The following DDC variants were observed in gnomAD, a reference collection of about 807,000 sequenced individuals.
The protein encoded by DDC is aromatic-L-amino-acid decarboxylase.
In DDC, 43 loss-of-function variants were observed where a neutral mutation model predicts 60.0. The observed-to-expected ratio is 0.72, with a 90% CI of 0.56 to 0.92. The LOEUF is 0.92. Among genes scored for constraint, DDC ranks in the 40% least tolerant of loss-of-function variants. DDC has a pLI of 0.00. For missense variants in DDC, 573 were observed against 620.2 expected, an observed-to-expected ratio of 0.92 and a Z score of 0.81; for synonymous variants, 232 against 234.6, an observed-to-expected ratio of 0.99 and a Z score of 0.10.
chr7:50,473,349 C>T (rs917040988), intron 11 of DDC, among the ~76,000 whole-genome samples: 40 of 152,308 alleles, frequency 2.6e-4, no homozygotes, highest in Non-Finnish European at 2.5e-4. Context: ...GGTGGCTGCC[C>T]GGGGCTGTCC....
intron 12 of DDC, 43 bp downstream of exon 12, chr7:50,470,030 A>G (rs1233236978): frequency 3.2e-6 from 4 of 1,244,230 alleles, no homozygotes; most frequent in Non-Finnish European, 3.6e-6. Context: ...GTCCCGAAAG[A>G]CCTCCGCAAT....
rs2043192922 is a variant in DDC, at chr7:50,499,196, G to C, written c.828C>G (p.Gly276=). ...GGAACTCAGGGCAGATGAATGCACT[G>C]CCTGCGTAGGCTGCATCAACGTGCA... ...IWLHVDAAYA[G]SAFICPEFRH... is the part of the protein sequence containing the mutation. Residue 276 remains glycine (G), a synonymous_variant, in exon 8 of 15, where the codon GGC becomes GGG. Coordinates refer to ENST00000444124, the MANE Select transcript of DDC (RefSeq NM_001082971.2). 5 of 1,613,942 alleles carry C rather than the reference G, an allele frequency of 3.1e-6. No homozygotes were observed. Among genetic ancestry groups the C allele is most frequent in the Non-Finnish European group, 3.4e-6 (4 of 1,179,980 alleles).
chr7:50,459,914 C>G (rs2042222824), intron 14 of DDC, among the ~76,000 whole-genome samples: 1 of 142,762 alleles, frequency 7.0e-6, no homozygotes, highest in Non-Finnish European at 1.5e-5. Context: ...CCAGCCGCCC[C>G]ATCCAGGAGG....
At chr7:50,525,339 C>G (rs1215235324) in intron 6 of DDC, among the ~76,000 whole-genome samples, 3 of 152,170 alleles carry the variant, frequency 2.0e-5, no homozygotes, top group Non-Finnish European at 4.4e-5. Context: ...GAACCAGTGT[C>G]AGTCTCCTGT....
At chr7:50,507,458 C>T (rs2043431485) in intron 6 of DDC, among the ~76,000 whole-genome samples, 1 of 152,204 alleles carries the variant, frequency 6.6e-6, no homozygotes, top group South Asian at 2.1e-4. Flanking sequence ...TCTCTAACTT[C>T]TGACCTCAGG....
chr7:50,494,663 T>C (rs7785224), intron 9 of DDC, among the ~76,000 whole-genome samples: 97,921 of 151,232 alleles, frequency 0.65, 32,119 homozygotes, highest in Admixed American at 0.73. Context: ...ATTATTTTTC[T>C]TTCGCGAATA....
intron 6 of DDC, among the ~76,000 whole-genome samples, chr7:50,514,086 C>T (rs1453097581): frequency 6.6e-6 from 1 of 152,176 alleles, no homozygotes; most frequent in Non-Finnish European, 1.5e-5. Context: ...CCCTCCCCAA[C>T]TCACCTCCAC....
intron 12 of DDC, among the ~76,000 whole-genome samples, chr7:50,468,831 G>C (rs562584350): frequency 3.7e-4 from 57 of 152,116 alleles, no homozygotes; most frequent in Non-Finnish European, 7.6e-4. Context: ...AAGGACACCA[G>C]GATCAGAGAG....
At chr7:50,549,952 T>C (rs549205233) in intron 1 of DDC, among the ~76,000 whole-genome samples, 2 of 152,358 alleles carry the variant, frequency 1.3e-5, no homozygotes, top group East Asian at 3.9e-4. Context: ...GCTGTGAGTA[T>C]TGTTGAAACA....
rs374661615 is a variant in DDC, at chr7:50,529,256, G to A, written c.522C>T (p.Leu174=). The change falls in exon 5 of 15, where the codon CTC becomes CTT. Residue 174 remains leucine (L), a synonymous_variant. Coordinates refer to ENST00000444124, the MANE Select transcript of DDC (RefSeq NM_001082971.2). ...IHRLQAASPE[L]TQAAIMEKLV... ...GCTTCTCCATGATAGCGGCCTGTGT[G>A]AGCTCTGGGGACGCTGCCTGCAGCC... 2.5e-6 allele frequency: 4 copies of A among 1,613,972 alleles called. No individual in the cohort carries two copies. Among genetic ancestry groups the A allele is most frequent in the Non-Finnish European group, 3.4e-6 (4 of 1,180,058 alleles).
intron 1 of DDC, among the ~76,000 whole-genome samples, chr7:50,555,401 T>C (rs942221435): frequency 6.6e-6 from 1 of 152,156 alleles, no homozygotes; most frequent in East Asian, 1.9e-4. Flanking sequence ...GGGAGGGACC[T>C]GGGACCCAGA....
intron 14 of DDC, among the ~76,000 whole-genome samples, chr7:50,460,794 G>T (rs1481936820): frequency 6.6e-6 from 1 of 151,730 alleles, no homozygotes; most frequent in East Asian, 1.9e-4. Flanking sequence ...TCCACTCAGG[G>T]TTAAATGGAT....
intron 4 of DDC, among the ~76,000 whole-genome samples, chr7:50,534,993 C>T (rs1483506040): frequency 1.3e-5 from 2 of 152,178 alleles, no homozygotes; most frequent in Non-Finnish European, 2.9e-5. Flanking sequence ...GCCAAGGAGG[C>T]TTCTCCAGCT....
chr7:50,523,134 C>T (rs1414475404), intron 6 of DDC, among the ~76,000 whole-genome samples: 1 of 152,160 alleles, frequency 6.6e-6, no homozygotes, highest in Non-Finnish European at 1.5e-5. Flanking sequence ...AGACATAGAC[C>T]TTACACCTTT....
At chr7:50,467,950 A>G (rs1210249068) in intron 12 of DDC, among the ~76,000 whole-genome samples, 1 of 152,240 alleles carries the variant, frequency 6.6e-6, no homozygotes, top group Admixed American at 6.5e-5. Context: ...CCTTCCTCTC[A>G]TTGAATATCA....
chr7:50,482,749 G>T (rs1194367914), intron 9 of DDC, among the ~76,000 whole-genome samples: 1 of 152,064 alleles, frequency 6.6e-6, no homozygotes, highest in Non-Finnish European at 1.5e-5. Flanking sequence ...AATCTGAACA[G>T]GTTTGGATAT....
At chr7:50,499,417 AGTGT>A (rs2043199730) in intron 7 of DDC, among the ~76,000 whole-genome samples, 175 bp from the exon 8 acceptor site, 1 of 152,146 alleles carries the variant, frequency 6.6e-6, no homozygotes, top group African/African-American at 2.4e-5. Context: ...AGCTGAGGGC[AGTGT>A]GTGTGCTGCT....
rs574410561 is a variant in DDC, at chr7:50,515,713, A to AGGACCC, written c.715-11655_715-11654insGGGTCC. On this transcript the variant is annotated intron_variant, in intron 6 of 14. Coordinates refer to ENST00000444124, the MANE Select transcript of DDC (RefSeq NM_001082971.2). ...CACCTAACGCATAAGGACTCACATAAACTTAAGGGGTGGAAAAAGGCATTT... is the reference window on the plus strand; with the variant it reads ...CACCTAACGCATAAGGACTCACATAAGGACCCACTTAAGGGGTGGAAAAAGGCATTT... Among the ~76,000 whole-genome samples the AGGACCC allele has an allele frequency of 6.6e-5, 10 of 152,280 alleles. No individual in the cohort carries two copies. In the East Asian group the frequency reaches 1.9e-3, roughly 29 times the overall value.
At chr7:50,522,205 GA>G (rs59489350) in intron 6 of DDC, among the ~76,000 whole-genome samples, 1 of 148,154 alleles carries the variant, frequency 6.7e-6, no homozygotes, top group Admixed American at 6.7e-5. Flanking sequence ...AAAGTAAAAA[GA>G]AAAAAAAAAG....
Sources: gnomAD v4.1 joint callset for allele counts (sites outside exome capture counted in the v4.1 genomes callset) on GRCh38, gnomAD v4.1.1 for gene constraint, MANE v1.5 for transcripts, NCBI Gene and HGNC (gene_info 2026-07-23, HGNC 2026-07-21) for gene names.